Variants in BRSK2 observed in about 807,000 individuals in gnomAD.
BRSK2 encodes the protein BR serine/threonine kinase 2.
BRSK2 carries 19 observed loss-of-function variants against 83.3 expected under a neutral mutation model. The ratio of observed to expected loss-of-function variants is 0.23; its 90% CI spans 0.16 to 0.33. The LOEUF (loss-of-function observed/expected upper bound fraction) is 0.33. Among genes scored for constraint, BRSK2 ranks in the 10% least tolerant of loss-of-function variants. The pLI is 1.00. For synonymous variants in BRSK2, 519 were observed against 435.4 expected (o/e 1.19, Z -2.39); for missense variants, 798 against 1,042.3 (o/e 0.77, Z 3.23).
At chr11:1,440,661 C>A (rs1411396153) in intron 3 of BRSK2, 127 bp from the exon 4 acceptor site, 48 of 1,280,270 alleles carry the variant, frequency 3.7e-5, no homozygotes, top group East Asian at 7.7e-5. Flanking sequence ...GCTGCCCCCC[C>A]AGCCAGCAAG....
chr11:1,451,951 A>G (rs1390054111), intron 15 of BRSK2, among the ~76,000 whole-genome samples: 3 of 152,036 alleles, frequency 2.0e-5, no homozygotes, highest in East Asian at 1.9e-4. Flanking sequence ...CTGGACAAAG[A>G]TGTCCCCAGA....
At chr11:1,444,838 C>A (rs1431429389) in intron 8 of BRSK2, 133 bp from the exon 9 acceptor site, 1 of 751,716 alleles carries the variant, frequency 1.3e-6, no homozygotes, top group Admixed American at 1.9e-5. Flanking sequence ...TCCCCACCTT[C>A]CCCCCACTCA....
chr11:1,448,039 G>T (rs1005907209), intron 12 of BRSK2, among the ~76,000 whole-genome samples: 3 of 152,168 alleles, frequency 2.0e-5, no homozygotes, highest in Admixed American at 2.0e-4. Flanking sequence ...GGCCGAGGAG[G>T]GGTGGGGCTG....
intron 1 of BRSK2, among the ~76,000 whole-genome samples, chr11:1,401,726 G>T (rs1846491700): frequency 1.3e-5 from 2 of 152,236 alleles, no homozygotes; most frequent in Non-Finnish European, 2.9e-5. Flanking sequence ...CCGACTTTGA[G>T]GAGGAGGAAA....
intron 12 of BRSK2, among the ~76,000 whole-genome samples, chr11:1,449,461 C>A (rs11028298): frequency 6.6e-6 from 1 of 152,190 alleles, no homozygotes; most frequent in African/African-American, 2.4e-5. Context: ...TCTGTCCCCT[C>A]GTCCTTCCGT....
At chr11:1,415,094 C>CTTTTT (rs34102200) in intron 1 of BRSK2, among the ~76,000 whole-genome samples, 1 of 128,630 alleles carries the variant, frequency 7.8e-6, no homozygotes, top group African/African-American at 2.9e-5. Flanking sequence ...CTGTCTTTAC[C>CTTTTT]TTTTTTTTTT....
At chr11:1,417,367 G>A (rs141852246) in intron 1 of BRSK2, among the ~76,000 whole-genome samples, 2 of 152,290 alleles carry the variant, frequency 1.3e-5, no homozygotes, top group Admixed American at 6.5e-5. Context: ...TTGTACCCAC[G>A]CTGCTGTTCA....
chr11:1,410,901 C>A, intron 1 of BRSK2: 1 of 986,990 alleles, frequency 1.0e-6, no homozygotes, highest in Non-Finnish European at 1.2e-6. Context: ...CCCTTTTGTG[C>A]AGAAGGTGGG....
At chr11:1,449,486 G>GA in intron 12 of BRSK2, among the ~76,000 whole-genome samples, 1 of 152,328 alleles carries the variant, frequency 6.6e-6, no homozygotes, top group Admixed American at 6.5e-5. Context: ...CCCCACGCTG[G>GA]ATGGTCCTTT....
rs568030355 is a variant in BRSK2, at chr11:1,450,705, G to A, written c.1406G>A (p.Ser469Asn). Residue 469 changes from serine (S) to asparagine (N), a missense_variant, in exon 14 of 20, where the codon AGC becomes AAC. By Grantham distance (46) the Ser-to-Asn change is conservative. Around this residue, in one of 6 missense-constraint regions of BRSK2, gnomAD observed 455 missense variants for 455.2 expected, o/e 1.00. Transcript: ENST00000528841. ...AACCCCACGCCCCCGTCCAGCCCCA[G>A]CGTCGGAGGGGTGCCCTGGAGGGCG... ...TPNPTPPSSP[S>N]VGGVPWRARL... The A allele has an allele frequency of 6.2e-7, 1 of 1,607,336 alleles. No homozygotes were observed. Among genetic ancestry groups the A allele is most frequent in the Non-Finnish European group, 8.5e-7 (1 of 1,178,080 alleles).
At position 1,461,248 on chromosome 11, in the gene BRSK2, C is replaced by T. The variant is rs1216421637; in HGVS notation, c.*525C>T. On this transcript the variant is annotated 3_prime_UTR_variant, in exon 20 of 20. Transcript: ENST00000528841. ...CAGCCTGCCTGGTGGCCTTCTGGGG[C>T]CAGGACCCCTGGTGGGCAACGTAGC... The T allele has an allele frequency of 3.5e-6, 2 of 576,892 alleles. No individual in the cohort carries two copies. Among genetic ancestry groups the T allele is most frequent in the Non-Finnish European group, 6.0e-6 (2 of 334,226 alleles). The allele number at this position is 576,892 out of a possible 1,614,324, so 35.7% of individuals were successfully genotyped here.
At chr11:1,407,281 T>C (rs956664356) in intron 1 of BRSK2, among the ~76,000 whole-genome samples, 2 of 152,146 alleles carry the variant, frequency 1.3e-5, no homozygotes, top group Non-Finnish European at 2.9e-5. Flanking sequence ...TGGCCACCTC[T>C]GCTGTGTCCA....
chr11:1,437,208 C>T (rs532781142), intron 2 of BRSK2, among the ~76,000 whole-genome samples: 6 of 152,190 alleles, frequency 3.9e-5, no homozygotes, highest in South Asian at 2.1e-4. Flanking sequence ...CCTGGGGATG[C>T]GGGAAAGGGG....
At chr11:1,396,118 C>T (rs953571914) in intron 1 of BRSK2, among the ~76,000 whole-genome samples, 1 of 152,056 alleles carries the variant, frequency 6.6e-6, no homozygotes, top group Non-Finnish European at 1.5e-5. Flanking sequence ...CTGAGGGTGG[C>T]TGGGAGTGTC....
At chr11:1,460,029 T>C (rs1847212738) in intron 19 of BRSK2, among the ~76,000 whole-genome samples, 1 of 150,486 alleles carries the variant, frequency 6.6e-6, no homozygotes, top group Non-Finnish European at 1.5e-5. Context: ...AGCAGGCCCT[T>C]GTCTTTACGC....
At position 1,436,250 on chromosome 11, in the gene BRSK2, G is replaced by A; in HGVS notation, c.186+116G>A. The A allele has an allele frequency of 1.2e-5, 2 of 168,876 alleles. 1 individual carries two copies. The highest frequency in any genetic ancestry group is 1.9e-5 in the Non-Finnish European group (2 of 104,758). The allele number at this position is 168,876 out of a possible 1,614,324, so 10.5% of individuals were successfully genotyped here. A position where few individuals can be genotyped will look rare whatever the true frequency, so the allele number is the denominator to read the frequency against. ...GTGCTGGATGCGGGTGGGGGGGCGG[G>A]CCCTGCAGGCTCCTGGGCCGCCACA... On this transcript the variant is annotated intron_variant, in intron 2 of 19. Coordinates refer to ENST00000528841, the MANE Select transcript of BRSK2 (RefSeq NM_001256627.2).
Position 1,390,443 on chromosome 11 carries a change from C to T in BRSK2, c.91+68C>T, listed in dbSNP as rs1031983374. On this transcript the variant is annotated intron_variant, in intron 1 of 19. Transcript: ENST00000528841. The surrounding 1 kb of genome is among the most constrained non-coding windows in gnomAD (Gnocchi z 6.8). Reference sequence around the variant, plus strand: ...CTGGCAGCGCGCTGGGTGGGGGGCGCCCGAGGGAGGCCCCGGCCGCGAAGC... The same window carrying T: ...CTGGCAGCGCGCTGGGTGGGGGGCGTCCGAGGGAGGCCCCGGCCGCGAAGC... 18 of 906,502 alleles carry T rather than the reference C, an allele frequency of 2.0e-5. No individual in the cohort carries two copies. Among genetic ancestry groups the T allele is most frequent in the Admixed American group, 6.3e-5 (1 of 15,862 alleles). 56.2% of individuals were successfully genotyped at this position (906,502 alleles called of 1,614,324 possible).
Position 1,461,111 on chromosome 11 carries a change from G to GGCAGCTCCTCGCC in BRSK2, c.*389_*401dup. On this transcript the variant is annotated 3_prime_UTR_variant, in exon 20 of 20. Coordinates refer to ENST00000528841, the MANE Select transcript of BRSK2 (RefSeq NM_001256627.2). ...CAGCCCAGCGCCCCGTCCACCCCGCGGCAGCTCCTCGCCTCAGCTCCGCAC... is the reference window on the plus strand; with the variant it reads ...CAGCCCAGCGCCCCGTCCACCCCGCGGCAGCTCCTCGCCGCAGCTCCTCGCCTCAGCTCCGCAC... 6.9e-7 allele frequency: 1 copy of GGCAGCTCCTCGCC among 1,441,822 alleles called. No individual in the cohort carries two copies. Among genetic ancestry groups the GGCAGCTCCTCGCC allele is most frequent in the Non-Finnish European group, 9.5e-7 (1 of 1,056,762 alleles). The allele number at this position is 1,441,822 out of a possible 1,614,324, so 89.3% of individuals were successfully genotyped here.
At position 1,456,506 on chromosome 11, in the gene BRSK2, C is replaced by G. The variant is rs771416078; in HGVS notation, c.1827C>G (p.Ser609=). The G allele has an allele frequency of 1.1e-5, 17 of 1,578,852 alleles. No individual in the cohort carries two copies. The highest frequency in any genetic ancestry group is 3.6e-5 in the Admixed American group (2 of 56,054). The change falls in exon 17 of 20, where the codon TCC becomes TCG. Residue 609 remains serine (S), a synonymous_variant. Transcript: ENST00000528841. The part of the protein sequence containing the change: ...GEAQKENGIY[S]VTFTLLSGPS... ...CGCAGAAGGAGAACGGCATCTACTCCGTCACCTTCACCCTGCTCTCAGGTG... is the reference window on the plus strand; with the variant it reads ...CGCAGAAGGAGAACGGCATCTACTCGGTCACCTTCACCCTGCTCTCAGGTG...
Sources: allele counts gnomAD v4.1 joint callset (sites outside exome capture counted in the v4.1 genomes callset), GRCh38; gene constraint gnomAD v4.1.1; regional missense constraint gnomAD v4.1.1; non-coding constraint Gnocchi (gnomAD v3.1); transcripts MANE v1.5; gene names NCBI Gene and HGNC (gene_info 2026-07-23, HGNC 2026-07-21).